LPAR1: variants seen among roughly 807,000 people sequenced by gnomAD.
The protein encoded by LPAR1 is LPA receptor 1.
A neutral mutation model predicts 23.8 loss-of-function variants in LPAR1; 5 were observed. The ratio of observed to expected loss-of-function variants is 0.21; its 90% CI spans 0.11 to 0.44. The LOEUF (loss-of-function observed/expected upper bound fraction) is 0.44. Ranked by LOEUF, LPAR1 falls within the 20% of genes least tolerant of loss-of-function variation. The pLI, the probability that LPAR1 is intolerant of heterozygous loss-of-function variation, is 0.99. For missense variants in LPAR1, 311 were observed against 482.8 expected (o/e 0.64, Z 3.33); for synonymous variants, 160 against 164.7 (o/e 0.97, Z 0.22).
chr9:110,883,700 C>CTA (rs72550652), intron 5 of LPAR1, among the ~76,000 whole-genome samples: 41 of 152,048 alleles, frequency 2.7e-4, no homozygotes, highest in African/African-American at 9.6e-4. Flanking sequence ...TTTATTCTCT[C>CTA]TTTTGTTACA....
chr9:110,953,971 C>T (rs189719512), intron 4 of LPAR1, among the ~76,000 whole-genome samples: 5 of 151,960 alleles, frequency 3.3e-5, no homozygotes, highest in Admixed American at 2.6e-4. Flanking sequence ...GAAAAAGAAA[C>T]TTATGAAATC....
chr9:111,007,507 C>T (rs374783408), intron 2 of LPAR1, among the ~76,000 whole-genome samples: 2 of 151,976 alleles, frequency 1.3e-5, no homozygotes, highest in East Asian at 3.9e-4. Flanking sequence ...TACAAATGAT[C>T]GATGAGCATA....
intron 5 of LPAR1, among the ~76,000 whole-genome samples, chr9:110,897,453 G>A (rs1318120164): frequency 1.3e-5 from 2 of 152,148 alleles, no homozygotes; most frequent in Non-Finnish European, 2.9e-5. Context: ...TCAGTCTCGG[G>A]TATGTCTTTA....
chr9:111,038,644 C>T (rs2141970622), upstream of LPAR1: 1 of 455,360 alleles, frequency 2.2e-6, no homozygotes, highest in African/African-American at 2.0e-5. The surrounding 1 kb of genome is among the most constrained non-coding windows in gnomAD (Gnocchi z 4.4). Context: ...CCAAGCTGGA[C>T]CCCTTACCTG....
chr9:111,019,062 A>G (rs1477809710), intron 2 of LPAR1, among the ~76,000 whole-genome samples: 1 of 152,242 alleles, frequency 6.6e-6, no homozygotes, highest in African/African-American at 2.4e-5. Flanking sequence ...GAAATAGGCC[A>G]TAAAACTAAC....
intron 5 of LPAR1, among the ~76,000 whole-genome samples, chr9:110,908,516 A>C (rs1171955098): frequency 6.6e-6 from 1 of 152,182 alleles, no homozygotes; most frequent in Non-Finnish European, 1.5e-5. Flanking sequence ...TATAAAGCAG[A>C]ATAATCTTAA....
intron 2 of LPAR1, among the ~76,000 whole-genome samples, chr9:110,988,569 C>T (rs1203157616): frequency 6.6e-6 from 1 of 151,866 alleles, no homozygotes; most frequent in East Asian, 1.9e-4. Flanking sequence ...ATCCTTTAGC[C>T]ATTAGGGAAA....
At chr9:110,980,885 C>T (rs916255411) in intron 2 of LPAR1, among the ~76,000 whole-genome samples, 19 of 151,942 alleles carry the variant, frequency 1.3e-4, no homozygotes, top group African/African-American at 3.9e-4. Flanking sequence ...CAAAATATCA[C>T]ACTGTATCCC....
At chr9:110,929,150 T>C (rs904219727) in intron 5 of LPAR1, among the ~76,000 whole-genome samples, 1 of 152,200 alleles carries the variant, frequency 6.6e-6, no homozygotes, top group Non-Finnish European at 1.5e-5. Context: ...GTCACCCTAT[T>C]AGAACCTCAT....
At chr9:110,887,964 T>C (rs115716147) in intron 5 of LPAR1, among the ~76,000 whole-genome samples, 113 of 152,266 alleles carry the variant, frequency 7.4e-4, no homozygotes, top group African/African-American at 2.7e-3. Flanking sequence ...TAAGCATAAA[T>C]AGAGAAGTAA....
chr9:110,955,900 A>G (rs907662607), intron 4 of LPAR1, among the ~76,000 whole-genome samples: 1 of 152,150 alleles, frequency 6.6e-6, no homozygotes, highest in African/African-American at 2.4e-5. Flanking sequence ...ATACAACCAA[A>G]GCAGTGCAAA....
chr9:110,910,905 T>C (rs550206229), intron 5 of LPAR1, among the ~76,000 whole-genome samples: 22 of 152,286 alleles, frequency 1.4e-4, no homozygotes, highest in African/African-American at 5.1e-4. Context: ...TTGCTTCTTA[T>C]GGAGGAGCAA....
In LPAR1 at chr9:110,875,151, C is replaced by A; in HGVS notation, c.*270G>T. On this transcript the variant is annotated 3_prime_UTR_variant, in exon 6 of 6. Transcript: ENST00000683809. ...AGTTAGTGTAGTCTAAATGGACACT[C>A]CAGAGTCTGTTCTTGAATTCCATTG... 1 of 366,424 alleles carries A rather than the reference C, an allele frequency of 2.7e-6. No individual in the cohort carries two copies. The allele number at this position is 366,424 out of a possible 1,614,324, so 22.7% of individuals were successfully genotyped here.
chr9:111,000,702 T>C (rs537440887), intron 2 of LPAR1, among the ~76,000 whole-genome samples: 6 of 152,306 alleles, frequency 3.9e-5, no homozygotes, highest in East Asian at 1.9e-4. Flanking sequence ...CACTGTCCAA[T>C]ATGATAGTTG....
chr9:110,918,816 A>T (rs2093400726), intron 5 of LPAR1, among the ~76,000 whole-genome samples: 1 of 152,230 alleles, frequency 6.6e-6, no homozygotes, highest in African/African-American at 2.4e-5. Context: ...ATTTAAATAC[A>T]TAACATTCCA....
chr9:110,878,270 G>GC (rs1001152665), intron 5 of LPAR1, among the ~76,000 whole-genome samples: 1 of 151,870 alleles, frequency 6.6e-6, no homozygotes, highest in Non-Finnish European at 1.5e-5. Context: ...GAAATTCTGC[G>GC]CCCCCCTCCC....
At chr9:111,016,087 C>A in intron 2 of LPAR1, among the ~76,000 whole-genome samples, 1 of 152,112 alleles carries the variant, frequency 6.6e-6, no homozygotes, top group East Asian at 1.9e-4. Context: ...GGAATACCCT[C>A]CCTTGTCCAA....
chr9:111,026,212 G>T (rs1399844272), intron 2 of LPAR1, among the ~76,000 whole-genome samples: 1 of 152,118 alleles, frequency 6.6e-6, no homozygotes, highest in Non-Finnish European at 1.5e-5. Context: ...TTGAGCACTG[G>T]TTTGTAGTTC....
At chr9:110,900,573 T>C (rs979731308) in intron 5 of LPAR1, among the ~76,000 whole-genome samples, 2 of 152,216 alleles carry the variant, frequency 1.3e-5, no homozygotes, top group Non-Finnish European at 2.9e-5. Flanking sequence ...TAGTCACACA[T>C]AAATTCATCT....
Sources: allele counts gnomAD v4.1 joint callset (sites outside exome capture counted in the v4.1 genomes callset), GRCh38; gene constraint gnomAD v4.1.1; non-coding constraint Gnocchi (gnomAD v3.1); transcripts MANE v1.5; gene names NCBI Gene and HGNC (gene_info 2026-07-23, HGNC 2026-07-21).